Variants in TANGO6 observed in about 807,000 individuals in gnomAD.
TANGO6 encodes transport and Golgi organization protein 6 homolog.
In TANGO6, 90 loss-of-function variants were observed where a neutral mutation model predicts 114.2. That is an observed-to-expected ratio of 0.79 (90% CI 0.66 to 0.94). TANGO6 has a LOEUF of 0.94. Ranked by LOEUF, TANGO6 falls within the 40% of genes least tolerant of loss-of-function variation. The pLI is 0.00. For synonymous variants in TANGO6, 477 were observed against 509.8 expected (o/e 0.94, Z 0.87); for missense variants, 1,274 against 1,315.3 (o/e 0.97, Z 0.49).
chr16:69,004,029 T>G (rs923469019), intron 15 of TANGO6, among the ~76,000 whole-genome samples: 1 of 152,068 alleles, frequency 6.6e-6, no homozygotes, highest in Admixed American at 6.5e-5. Context: ...TTTTTTTCAA[T>G]AGCAGCATAT....
intron 1 of TANGO6, among the ~76,000 whole-genome samples, chr16:68,847,047 C>A (rs909855244): frequency 6.6e-6 from 1 of 152,008 alleles, no homozygotes; most frequent in Non-Finnish European, 1.5e-5. Flanking sequence ...TGCGCCACCA[C>A]GCCCTGCTAA....
At chr16:69,077,055 T>C (rs1180048457) in intron 17 of TANGO6, among the ~76,000 whole-genome samples, 1 of 151,834 alleles carries the variant, frequency 6.6e-6, no homozygotes, top group Non-Finnish European at 1.5e-5. Flanking sequence ...ATTTTTTTTT[T>C]TTTGGAGACA....
chr16:68,866,257 T>C (rs1446022981), intron 3 of TANGO6, among the ~76,000 whole-genome samples: 1 of 152,142 alleles, frequency 6.6e-6, no homozygotes, highest in Admixed American at 6.5e-5. Context: ...TTTTTTTTTT[T>C]TAAGGAAAAA....
At chr16:69,054,594 C>A (rs1960003842) in intron 17 of TANGO6, among the ~76,000 whole-genome samples, 1 of 151,984 alleles carries the variant, frequency 6.6e-6, no homozygotes, top group African/African-American at 2.4e-5. Context: ...CTGGGCAAAT[C>A]AGGACCATGA....
intron 7 of TANGO6, among the ~76,000 whole-genome samples, chr16:68,895,997 GGA>G (rs1025197468): frequency 2.7e-5 from 4 of 150,212 alleles, no homozygotes; most frequent in Non-Finnish European, 5.9e-5. Flanking sequence ...CACCCAGGCT[GGA>G]GTGTCTCACT....
intron 1 of TANGO6, among the ~76,000 whole-genome samples, chr16:68,854,444 C>CA (rs1055111721): frequency 6.6e-6 from 1 of 151,480 alleles, no homozygotes; most frequent in East Asian, 1.9e-4. Context: ...GACCCTGTTG[C>CA]AAAAAAAGAA....
intron 12 of TANGO6, among the ~76,000 whole-genome samples, chr16:68,922,069 T>C (rs1963101118): frequency 6.6e-6 from 1 of 152,138 alleles, no homozygotes; most frequent in Non-Finnish European, 1.5e-5. Context: ...TTCCTATTTC[T>C]TACTAGGATT....
intron 14 of TANGO6, among the ~76,000 whole-genome samples, chr16:68,931,692 G>A (rs1310445357): frequency 1.3e-5 from 2 of 152,168 alleles, no homozygotes; most frequent in African/African-American, 4.8e-5. Context: ...ATCCAGAATA[G>A]GCAGTTTTTT....
intron 15 of TANGO6, among the ~76,000 whole-genome samples, chr16:68,988,608 TTTATG>T (rs1354132872): frequency 2.6e-5 from 4 of 152,174 alleles, no homozygotes; most frequent in Non-Finnish European, 5.9e-5. Context: ...GATCTTAGCT[TTTATG>T]TTTCAGTCTA....
intron 11 of TANGO6, among the ~76,000 whole-genome samples, chr16:68,914,964 CACA>C (rs1962978976): frequency 1.0e-5 from 1 of 97,238 alleles, no homozygotes; most frequent in Non-Finnish European, 2.2e-5. Flanking sequence ...TATCTACACA[CACA>C]CACACACACA....
At chr16:68,918,973 C>A in intron 11 of TANGO6, 112 bp from the exon 12 acceptor site, 1 of 1,321,538 alleles carries the variant, frequency 7.6e-7, no homozygotes, top group Non-Finnish European at 1.0e-6. Context: ...CTGGATGGTT[C>A]TTGCTATCAT....
At chr16:68,932,504 C>T (rs1263942176) in intron 14 of TANGO6, among the ~76,000 whole-genome samples, 1 of 152,078 alleles carries the variant, frequency 6.6e-6, no homozygotes, top group East Asian at 1.9e-4. Context: ...AACATTAGGA[C>T]CGGGAGCAGT....
intron 8 of TANGO6, 99 bp downstream of exon 8, chr16:68,900,645 T>C: frequency 1.0e-6 from 1 of 980,252 alleles, no homozygotes; most frequent in Non-Finnish European, 1.5e-6. Flanking sequence ...CACTTTGAAA[T>C]TATCATTTCC....
intron 7 of TANGO6, among the ~76,000 whole-genome samples, chr16:68,889,479 A>G (rs1466512976): frequency 6.6e-6 from 1 of 152,196 alleles, no homozygotes; most frequent in Non-Finnish European, 1.5e-5. Context: ...AAAAAAGATC[A>G]TATTTGCACA....
chr16:68,868,498 T>C (rs1231974137), intron 4 of TANGO6, among the ~76,000 whole-genome samples: 1 of 143,396 alleles, frequency 7.0e-6, no homozygotes, highest in Non-Finnish European at 1.5e-5. Context: ...TTCTATTTTT[T>C]TTTTTTTTTT....
chr16:69,027,093 C>T (rs927837475), intron 16 of TANGO6, among the ~76,000 whole-genome samples: 1 of 152,156 alleles, frequency 6.6e-6, no homozygotes, highest in Admixed American at 6.5e-5. Flanking sequence ...AACTCCTGAC[C>T]TCAAGTGATC....
At chr16:68,856,977 C>T (rs895841829) in intron 1 of TANGO6, among the ~76,000 whole-genome samples, 3 of 152,158 alleles carry the variant, frequency 2.0e-5, no homozygotes, top group Admixed American at 6.5e-5. Context: ...GGCATGGTGG[C>T]GGGCCCCTGT....
At chr16:69,068,581 C>T (rs901386061) in intron 17 of TANGO6, among the ~76,000 whole-genome samples, 11 of 152,314 alleles carry the variant, frequency 7.2e-5, no homozygotes, top group African/African-American at 2.6e-4. Flanking sequence ...ATGTTAGGCT[C>T]TCTTCCAGGC....
rs1158848137 is a variant in TANGO6 at position 68,878,134 on chromosome 16, A to G, written c.1148A>G (p.His383Arg). ...TTTTTGTAGGTTCTGGATTTATTTC[A>G]CTTTCAAGATAAATTGACAGCACGA... ...DICPQVLDLFHFQDKLTARQF... is the reference protein window; with the variant it reads ...DICPQVLDLFRFQDKLTARQF... Residue 383 changes from histidine to arginine, a missense_variant, in exon 6 of 18, where the codon CAC becomes CGC. Physicochemically the swap from His to Arg is conservative, Grantham distance 29. Coordinates refer to ENST00000261778, the MANE Select transcript of TANGO6 (RefSeq NM_024562.2). 5 of 1,609,402 alleles carry G rather than the reference A, an allele frequency of 3.1e-6. No homozygotes were observed. The highest frequency in any genetic ancestry group is 3.4e-6 in the Non-Finnish European group (4 of 1,178,310).
Sources: gnomAD v4.1 joint callset for allele counts (sites outside exome capture counted in the v4.1 genomes callset) on GRCh38, gnomAD v4.1.1 for gene constraint, MANE v1.5 for transcripts, NCBI Gene and HGNC (gene_info 2026-07-23, HGNC 2026-07-21) for gene names.